Variants in FMN1 observed in about 807,000 individuals in gnomAD.
The protein encoded by FMN1 is formin-1.
In FMN1, 110 loss-of-function variants were observed where a neutral mutation model predicts 132.4. The ratio of observed to expected loss-of-function variants is 0.83; its 90% confidence interval spans 0.71 to 0.97. The LOEUF (loss-of-function observed/expected upper bound fraction) is 0.97, where lower values mean the gene tolerates loss of function less well. FMN1 is among the 50% of genes least tolerant of loss of function. The probability of loss-of-function intolerance (pLI) is 0.00; values close to 1 mark genes in which losing one functional copy is unlikely to be tolerated. For synonymous variants in FMN1, 722 were observed against 651.7 expected (o/e 1.11, Z -1.64); for missense variants, 1,792 against 1,705.3 (o/e 1.05, Z -0.90).
chr15:33,103,885 C>T (rs1044607201), intron 4 of FMN1, among the ~76,000 whole-genome samples: 4 of 152,132 alleles, frequency 2.6e-5, no homozygotes, highest in African/African-American at 7.2e-5. Context: ...TTTTCTTCCC[C>T]CTGAGGTAAT....
intron 5 of FMN1, among the ~76,000 whole-genome samples, chr15:33,078,795 C>T (rs2038328202): frequency 6.6e-6 from 1 of 152,074 alleles, no homozygotes; most frequent in South Asian, 2.1e-4. Context: ...CACCTTCATC[C>T]TGGAGAGAGA....
chr15:32,934,143 TTTG>T (rs2061196412), intron 9 of FMN1, among the ~76,000 whole-genome samples: 2 of 152,154 alleles, frequency 1.3e-5, no homozygotes. Context: ...AGGCATTTTC[TTTG>T]TTGTTACTAT....
At chr15:32,913,491 T>A (rs1247996623) in intron 10 of FMN1, among the ~76,000 whole-genome samples, 1 of 152,160 alleles carries the variant, frequency 6.6e-6, no homozygotes, top group African/African-American at 2.4e-5. Context: ...ATGTTCTCCA[T>A]GCACCATGGG....
At chr15:33,066,454 A>T (rs969160616) in intron 5 of FMN1, 2 of 1,377,898 alleles carry the variant, frequency 1.5e-6, no homozygotes. Context: ...GGAAACCTGG[A>T]AAGAAATACA....
intron 4 of FMN1, among the ~76,000 whole-genome samples, chr15:33,117,983 T>C (rs2039991970): frequency 6.6e-6 from 1 of 152,204 alleles, no homozygotes; most frequent in African/African-American, 2.4e-5. Context: ...AAAATTGTTG[T>C]TAATTTGCAA....
At chr15:33,122,154 C>T (rs949577825) in intron 4 of FMN1, among the ~76,000 whole-genome samples, 85 of 152,238 alleles carry the variant, frequency 5.6e-4, no homozygotes, top group Admixed American at 7.8e-4. Context: ...CCCTTGTCCA[C>T]GGAATTAAGT....
chr15:32,861,714 G>A (rs551836193), intron 16 of FMN1, among the ~76,000 whole-genome samples: 2 of 152,140 alleles, frequency 1.3e-5, no homozygotes, highest in African/African-American at 4.8e-5. Flanking sequence ...CTGTATTTAC[G>A]GAAATATGCC....
intron 17 of FMN1, among the ~76,000 whole-genome samples, chr15:32,855,597 G>A (rs967553521): frequency 1.3e-5 from 2 of 152,168 alleles, no homozygotes; most frequent in African/African-American, 4.8e-5. Context: ...TGCAGACGCA[G>A]GATTCTAAGA....
intron 9 of FMN1, among the ~76,000 whole-genome samples, chr15:32,957,202 C>T (rs2061788948): frequency 6.6e-6 from 1 of 150,764 alleles, no homozygotes; most frequent in African/African-American, 2.4e-5. Flanking sequence ...CAGATCATGG[C>T]ATCTCAAAAA....
intron 4 of FMN1, among the ~76,000 whole-genome samples, chr15:33,108,692 T>C (rs1249518277): frequency 6.6e-6 from 1 of 152,156 alleles, no homozygotes; most frequent in Non-Finnish European, 1.5e-5. Context: ...TGTGTAACTA[T>C]ATCCTATTCC....
intron 4 of FMN1, among the ~76,000 whole-genome samples, chr15:33,104,766 G>C (rs979366342): frequency 2.0e-5 from 3 of 152,086 alleles, no homozygotes; most frequent in Non-Finnish European, 4.4e-5. Context: ...GGAAAAATGA[G>C]ATAATTTGAT....
intron 16 of FMN1, among the ~76,000 whole-genome samples, chr15:32,865,447 A>G (rs1313684439): frequency 6.6e-6 from 1 of 152,242 alleles, no homozygotes; most frequent in Non-Finnish European, 1.5e-5. Flanking sequence ...TTACTAAACT[A>G]GGAATCAAAA....
At chr15:32,785,559 C>T (rs1225566470) in intron 19 of FMN1, among the ~76,000 whole-genome samples, 3 of 152,016 alleles carry the variant, frequency 2.0e-5, no homozygotes, top group Non-Finnish European at 4.4e-5. Context: ...TAGAAATTCT[C>T]CTAAATAATA....
At chr15:32,974,785 G>T (rs998982713) in intron 7 of FMN1, among the ~76,000 whole-genome samples, 2 of 121,736 alleles carry the variant, frequency 1.6e-5, no homozygotes, top group Non-Finnish European at 3.8e-5. Context: ...GGTTCTTTTG[G>T]CAATGACTTT....
chr15:32,844,415 TATC>T (rs1341028641), intron 17 of FMN1, among the ~76,000 whole-genome samples: 22 of 152,322 alleles, frequency 1.4e-4, no homozygotes, highest in African/African-American at 4.6e-4. Context: ...ACATCCCTTA[TATC>T]ATCAAGATGT....
chr15:33,029,950 G>A (rs140835652), intron 6 of FMN1, among the ~76,000 whole-genome samples: 1,944 of 152,316 alleles, frequency 0.013, 14 homozygotes, highest in South Asian at 0.024. Context: ...GAGGTCAAGA[G>A]ATCAAGACCA....
chr15:33,028,097 A>T (rs1025310604), intron 6 of FMN1, among the ~76,000 whole-genome samples: 4 of 152,218 alleles, frequency 2.6e-5, no homozygotes, highest in Non-Finnish European at 5.9e-5. Context: ...ACTACATATT[A>T]CAATCACCTG....
At chr15:32,981,539 TAATA>T (rs1295791897) in intron 7 of FMN1, among the ~76,000 whole-genome samples, 8 of 136,576 alleles carry the variant, frequency 5.9e-5, no homozygotes, top group African/African-American at 1.4e-4. Context: ...ATAATAATAA[TAATA>T]ATTATTATTA....
chr15:32,849,035 G>A (rs891504838), intron 17 of FMN1, among the ~76,000 whole-genome samples: 28 of 137,532 alleles, frequency 2.0e-4, no homozygotes, highest in African/African-American at 7.3e-4. Context: ...CCATGCTGGA[G>A]TGCAGTGGCG....
Sources: gnomAD v4.1 joint callset for allele counts (sites outside exome capture counted in the v4.1 genomes callset) on GRCh38, gnomAD v4.1.1 for gene constraint, MANE v1.5 for transcripts, NCBI Gene and HGNC (gene_info 2026-07-23, HGNC 2026-07-21) for gene names.